The following MCUB variants were observed in gnomAD, a reference collection of about 807,000 sequenced individuals.
MCUB encodes the protein mitochondrial calcium uniporter dominant negative subunit beta, also known as calcium uniporter regulatory subunit MCUb, mitochondrial.
Under a neutral mutation model 41.4 loss-of-function variants are expected in MCUB, and 46 were observed. That is an observed-to-expected ratio of 1.11 (90% CI 0.88 to 1.42). The LOEUF is 1.42. Among genes scored for constraint, MCUB ranks in the 40% most tolerant of loss-of-function variants. MCUB has a pLI of 0.00. For missense variants in MCUB, 403 were observed against 404.9 expected (o/e 1.00, Z 0.04); for synonymous variants, 148 against 148.2 (o/e 1.00, Z 0.01).
At chr4:109,674,849 T>C (rs1255418896) in intron 4 of MCUB, among the ~76,000 whole-genome samples, 1 of 152,236 alleles carries the variant, frequency 6.6e-6, no homozygotes, top group Non-Finnish European at 1.5e-5. Context: ...AATGAACACT[T>C]TTTAAATGTG....
intron 1 of MCUB, among the ~76,000 whole-genome samples, chr4:109,651,493 T>A (rs1728959748): frequency 6.6e-6 from 1 of 152,150 alleles, no homozygotes; most frequent in Admixed American, 6.5e-5. Flanking sequence ...GCTCATAGGC[T>A]CTCTCAGAAA....
intron 4 of MCUB, among the ~76,000 whole-genome samples, chr4:109,681,772 T>A (rs147992056): frequency 6.6e-6 from 1 of 152,306 alleles, no homozygotes; most frequent in African/African-American, 2.4e-5. Flanking sequence ...TCCGGAAGAA[T>A]GTAAGTCAGC....
At chr4:109,620,653 TTTTG>T (rs1728232152) in intron 1 of MCUB, among the ~76,000 whole-genome samples, 1 of 151,984 alleles carries the variant, frequency 6.6e-6, no homozygotes, top group East Asian at 1.9e-4. Context: ...ATGGCAATAA[TTTTG>T]TTTTTCTCTT....
chr4:109,570,249 T>C (rs745632688), intron 1 of MCUB, among the ~76,000 whole-genome samples: 28 of 152,234 alleles, frequency 1.8e-4, no homozygotes, highest in Admixed American at 4.6e-4. Context: ...TCCCCCCATG[T>C]ACCTTCTCTT....
intron 1 of MCUB, among the ~76,000 whole-genome samples, chr4:109,613,445 C>T (rs1285368217): frequency 1.3e-5 from 2 of 152,206 alleles, no homozygotes; most frequent in African/African-American, 4.8e-5. Flanking sequence ...TGGTTGTTGG[C>T]TGCATTCAGT....
At chr4:109,654,553 A>G (rs909770035) in intron 1 of MCUB, among the ~76,000 whole-genome samples, 1 of 152,034 alleles carries the variant, frequency 6.6e-6, no homozygotes, top group Non-Finnish European at 1.5e-5. Flanking sequence ...GGAGTTTGCC[A>G]TGAGCAGAGA....
intron 1 of MCUB, among the ~76,000 whole-genome samples, chr4:109,587,487 T>C (rs1727336952): frequency 6.6e-6 from 1 of 152,164 alleles, no homozygotes; most frequent in Admixed American, 6.5e-5. Context: ...CCAGTCCCAA[T>C]GAGATGAGCC....
intron 4 of MCUB, among the ~76,000 whole-genome samples, chr4:109,671,286 A>G (rs775811642): frequency 6.6e-5 from 10 of 152,206 alleles, no homozygotes; most frequent in Non-Finnish European, 1.2e-4. Context: ...GACAGTTCTC[A>G]GCCATTATTA....
At chr4:109,560,748 C>T (rs952667289) in intron 1 of MCUB, among the ~76,000 whole-genome samples, 2 of 152,038 alleles carry the variant, frequency 1.3e-5, no homozygotes, top group African/African-American at 4.8e-5. Flanking sequence ...GCAGAATAAC[C>T]TGGGAGGCAG....
chr4:109,610,466 A>G (rs964310000), intron 1 of MCUB, among the ~76,000 whole-genome samples: 1 of 152,138 alleles, frequency 6.6e-6, no homozygotes, highest in African/African-American at 2.4e-5. Flanking sequence ...GCTTTTCTCT[A>G]AGACGAATAT....
chr4:109,659,832 A>T (rs1032071252), intron 2 of MCUB, among the ~76,000 whole-genome samples: 1 of 152,054 alleles, frequency 6.6e-6, no homozygotes, highest in East Asian at 1.9e-4. Flanking sequence ...TAATTTTCGT[A>T]TATTTTGTAG....
chr4:109,576,458 G>T (rs746546726), intron 1 of MCUB, among the ~76,000 whole-genome samples: 2 of 150,206 alleles, frequency 1.3e-5, no homozygotes, highest in Admixed American at 6.6e-5. Flanking sequence ...ATGAAAAGTG[G>T]TCAGCCTCAC....
chr4:109,653,204 C>T (rs1287243205), intron 1 of MCUB, among the ~76,000 whole-genome samples: 2 of 152,082 alleles, frequency 1.3e-5, no homozygotes, highest in South Asian at 2.1e-4. Context: ...GTAGAAACCC[C>T]GTCTCTACTA....
chr4:109,671,545 C>G (rs1015788208), intron 4 of MCUB, among the ~76,000 whole-genome samples: 6 of 152,154 alleles, frequency 3.9e-5, no homozygotes, highest in Admixed American at 6.5e-5. Context: ...ATTTCTGTTA[C>G]AGTGGTTTTT....
chr4:109,592,246 C>T (rs974888130), intron 1 of MCUB, among the ~76,000 whole-genome samples: 12 of 151,554 alleles, frequency 7.9e-5, no homozygotes, highest in African/African-American at 2.7e-4. Context: ...CCCATCTCTA[C>T]TAAAAATACA....
intron 4 of MCUB, among the ~76,000 whole-genome samples, chr4:109,675,949 C>T: frequency 6.6e-6 from 1 of 152,174 alleles, no homozygotes; most frequent in East Asian, 1.9e-4. Flanking sequence ...AAATGTTGTT[C>T]TTCCTAAGTT....
chr4:109,594,773 CTCTT>C (rs1347324805), intron 1 of MCUB, among the ~76,000 whole-genome samples: 2 of 143,760 alleles, frequency 1.4e-5, no homozygotes. Flanking sequence ...CGGAAAAATT[CTCTT>C]TCTTTTTTTT....
intron 4 of MCUB, among the ~76,000 whole-genome samples, chr4:109,680,311 T>TA (rs975278053): frequency 6.6e-6 from 1 of 152,198 alleles, no homozygotes; most frequent in African/African-American, 2.4e-5. Context: ...CCAGTAACAT[T>TA]AACCAACTAT....
At chr4:109,659,542 A>G (rs777467231) in intron 2 of MCUB, among the ~76,000 whole-genome samples, 7 of 152,164 alleles carry the variant, frequency 4.6e-5, no homozygotes, top group Non-Finnish European at 5.9e-5. Context: ...GTGAGCCATG[A>G]TCGTGCCACT....
Sources: gnomAD v4.1 joint callset for allele counts (sites outside exome capture counted in the v4.1 genomes callset) on GRCh38, gnomAD v4.1.1 for gene constraint, MANE v1.5 for transcripts, NCBI Gene and HGNC (gene_info 2026-07-23, HGNC 2026-07-21) for gene names.